GOLPH3: variants seen among roughly 807,000 people sequenced by gnomAD.
GOLPH3 encodes golgi phosphoprotein 3, also known as coat protein GPP34.
A neutral mutation model predicts 28.5 loss-of-function variants in GOLPH3; 14 were observed. The ratio of observed to expected loss-of-function variants is 0.49; its 90% confidence interval spans 0.32 to 0.77. The LOEUF is 0.77. GOLPH3 is among the 30% of genes least tolerant of loss of function. The probability of loss-of-function intolerance (pLI) is 0.03; values close to 1 mark genes in which losing one functional copy is unlikely to be tolerated. For missense variants in GOLPH3, 350 were observed against 393.7 expected (o/e 0.89, Z 0.94); for synonymous variants, 158 against 159.2 (o/e 0.99, Z 0.06).
intron 1 of GOLPH3, among the ~76,000 whole-genome samples, chr5:32,156,340 G>A (rs936838541): frequency 2.0e-5 from 3 of 151,892 alleles, no homozygotes; most frequent in Admixed American, 1.3e-4. Context: ...CCTGTCTCTA[G>A]TAAAAATAGA....
chr5:32,138,240 T>TA (rs1343630396), intron 2 of GOLPH3, among the ~76,000 whole-genome samples: 1 of 152,184 alleles, frequency 6.6e-6, no homozygotes, highest in Non-Finnish European at 1.5e-5. Context: ...AGTCCTCTCT[T>TA]AAACTTGTCC....
intron 2 of GOLPH3, among the ~76,000 whole-genome samples, chr5:32,137,380 T>C (rs1745959987): frequency 6.6e-6 from 1 of 151,872 alleles, no homozygotes; most frequent in South Asian, 2.1e-4. Flanking sequence ...ACACTGAGGC[T>C]GGATGCAGTG....
chr5:32,140,727 G>A (rs1003717205), intron 2 of GOLPH3, among the ~76,000 whole-genome samples: 13 of 149,396 alleles, frequency 8.7e-5, no homozygotes, highest in Non-Finnish European at 1.8e-4. Flanking sequence ...CAGCTACTTG[G>A]AAAGCAGAGG....
chr5:32,133,542 A>C (rs1303318482), intron 3 of GOLPH3, among the ~76,000 whole-genome samples: 1 of 152,260 alleles, frequency 6.6e-6, no homozygotes, highest in African/African-American at 2.4e-5. Flanking sequence ...TCTGAAAACA[A>C]TGTACAAAAT....
At chr5:32,157,159 T>C (rs930210481) in intron 1 of GOLPH3, among the ~76,000 whole-genome samples, 21 of 152,226 alleles carry the variant, frequency 1.4e-4, no homozygotes, top group Non-Finnish European at 2.5e-4. Context: ...TGCCACTCCC[T>C]GGGAACTTGG....
At position 32,125,992 on chromosome 5, in the gene GOLPH3, C is replaced by T. The variant is rs749724920; in HGVS notation, c.*220G>A. ...GAGGATGGCAACAGGGAATGGAATG[C>T]CAATATGGCAGTAAAACTTTTTTTA... On this transcript the variant is annotated 3_prime_UTR_variant, in exon 4 of 4. Coordinates refer to ENST00000265070, the MANE Select transcript of GOLPH3 (RefSeq NM_022130.4). 5 of 480,414 alleles carry T rather than the reference C, an allele frequency of 1.0e-5. No homozygotes were observed. Among genetic ancestry groups the T allele is most frequent in the South Asian group, 3.7e-5 (1 of 26,728 alleles). 29.8% of individuals were successfully genotyped at this position (480,414 alleles called of 1,614,324 possible). A position where few individuals can be genotyped will look rare whatever the true frequency, so the allele number is the denominator to read the frequency against.
intron 1 of GOLPH3, among the ~76,000 whole-genome samples, chr5:32,153,721 T>C (rs1160962757): frequency 6.6e-6 from 1 of 152,228 alleles, no homozygotes; most frequent in Non-Finnish European, 1.5e-5. Context: ...AATGTTAAAC[T>C]TGAACCAAAA....
chr5:32,140,556 G>A (rs1236381768), intron 2 of GOLPH3, among the ~76,000 whole-genome samples: 2 of 151,844 alleles, frequency 1.3e-5, no homozygotes, highest in African/African-American at 2.4e-5. Context: ...CTACTAGGGA[G>A]GCTGAGGCAG....
chr5:32,156,820 T>C (rs138609513), intron 1 of GOLPH3, among the ~76,000 whole-genome samples: 2,270 of 151,982 alleles, frequency 0.015, no homozygotes, highest in Non-Finnish European at 0.021. Flanking sequence ...TGCCCGCCCC[T>C]CACCTCCTGC....
At chr5:32,126,860 A>G (rs1745694066) in intron 3 of GOLPH3, among the ~76,000 whole-genome samples, 1 of 152,230 alleles carries the variant, frequency 6.6e-6, no homozygotes, top group Non-Finnish European at 1.5e-5. Context: ...TCAGACGACT[A>G]AACTGCAAGC....
Position 32,174,147 on chromosome 5 carries a change from G to T in GOLPH3, c.-113C>A, listed in dbSNP as rs1055573610. 1.2e-5 allele frequency: 8 copies of T among 671,586 alleles called. 1 individual carries two copies. The highest frequency in any genetic ancestry group is 1.0e-5 in the Non-Finnish European group (5 of 479,550). 41.6% of individuals were successfully genotyped at this position (671,586 alleles called of 1,614,324 possible). On this transcript the variant is annotated 5_prime_UTR_variant, in exon 1 of 4. Transcript: ENST00000265070. The stretch of plus-strand genomic sequence containing the variant: ...GTTTCCGTGTTAAATCCGGACGCCG[G>T]GGCGACGTCCGTCGGCAGCAGGGCC...
intron 3 of GOLPH3, among the ~76,000 whole-genome samples, chr5:32,129,337 G>A (rs1227683534): frequency 6.6e-6 from 1 of 152,136 alleles, no homozygotes; most frequent in African/African-American, 2.4e-5. Context: ...TAAATATCAA[G>A]TTCTTAGAAC....
At chr5:32,159,800 G>A (rs1746535298) in intron 1 of GOLPH3, among the ~76,000 whole-genome samples, 1 of 152,104 alleles carries the variant, frequency 6.6e-6, no homozygotes, top group African/African-American at 2.4e-5. Flanking sequence ...AAAAATCTGA[G>A]GTTTAGAGAA....
intron 2 of GOLPH3, among the ~76,000 whole-genome samples, chr5:32,141,665 G>A (rs997034788): frequency 2.6e-5 from 4 of 152,186 alleles, no homozygotes; most frequent in Non-Finnish European, 4.4e-5. Flanking sequence ...AAAGCTGGAC[G>A]GTACTGCTGC....
At chr5:32,164,530 A>C (rs900621929) in intron 1 of GOLPH3, among the ~76,000 whole-genome samples, 1 of 151,862 alleles carries the variant, frequency 6.6e-6, no homozygotes, top group Non-Finnish European at 1.5e-5. Context: ...AGTAGCTGGG[A>C]CTACAGGAGC....
intron 2 of GOLPH3, among the ~76,000 whole-genome samples, chr5:32,138,905 G>A (rs1215998658): frequency 6.6e-6 from 1 of 152,220 alleles, no homozygotes; most frequent in African/African-American, 2.4e-5. Context: ...AAAGAAAGCA[G>A]AGCCTCAGGA....
At chr5:32,148,675 T>C (rs1184288262) in intron 1 of GOLPH3, among the ~76,000 whole-genome samples, 3 of 152,076 alleles carry the variant, frequency 2.0e-5, no homozygotes, top group Non-Finnish European at 4.4e-5. Flanking sequence ...TGGGCACCTG[T>C]AGTCCCAGCT....
At chr5:32,155,098 C>CAAAA (rs55955910) in intron 1 of GOLPH3, among the ~76,000 whole-genome samples, 3 of 112,974 alleles carry the variant, frequency 2.7e-5, no homozygotes, top group Non-Finnish European at 3.5e-5. Flanking sequence ...GACTCTGTCT[C>CAAAA]AAAAAAAAAA....
At chr5:32,161,976 GAGA>G in intron 1 of GOLPH3, among the ~76,000 whole-genome samples, 1 of 150,850 alleles carries the variant, frequency 6.6e-6, no homozygotes, top group African/African-American at 2.5e-5. Context: ...GCAGTGAGCC[GAGA>G]TCGCACAACT....
Sources: gnomAD v4.1 joint callset for allele counts (sites outside exome capture counted in the v4.1 genomes callset) on GRCh38, gnomAD v4.1.1 for gene constraint, MANE v1.5 for transcripts, NCBI Gene and HGNC (gene_info 2026-07-23, HGNC 2026-07-21) for gene names.